The following SLC2A9 variants were observed in gnomAD, a reference collection of about 807,000 sequenced individuals.
SLC2A9 encodes the protein solute carrier family 2 member 9, also known as solute carrier family 2, facilitated glucose transporter member 9.
In SLC2A9, 39 loss-of-function variants were observed where a neutral mutation model predicts 50.6. The ratio of observed to expected loss-of-function variants is 0.77; its 90% CI spans 0.60 to 1.01. The LOEUF (loss-of-function observed/expected upper bound fraction) is 1.01. SLC2A9 is among the 50% of genes least tolerant of loss of function. The probability of loss-of-function intolerance (pLI) is 0.00; values close to 1 mark genes in which losing one functional copy is unlikely to be tolerated. For missense variants in SLC2A9, 686 were observed against 677.6 expected, an observed-to-expected ratio of 1.01 and a Z score of -0.14; for synonymous variants, 324 against 276.9, an observed-to-expected ratio of 1.17 and a Z score of -1.69.
intron 5 of SLC2A9, among the ~76,000 whole-genome samples, chr4:9,958,554 T>C (rs1751705043): frequency 6.6e-6 from 1 of 152,050 alleles, no homozygotes; most frequent in Non-Finnish European, 1.5e-5. Context: ...CACGGGTTGA[T>C]AGGTGCAACA....
chr4:9,786,841 C>A (rs1181694064), intron 3 of SLC2A9, among the ~76,000 whole-genome samples: 3 of 152,182 alleles, frequency 2.0e-5, no homozygotes, highest in Non-Finnish European at 4.4e-5. Context: ...TTTTGGTTGT[C>A]ACAACTGGGT....
intron 3 of SLC2A9, chr4:9,782,207 C>A (rs1718516098): frequency 6.2e-7 from 1 of 1,611,184 alleles, no homozygotes; most frequent in South Asian, 1.1e-5. Flanking sequence ...GGGCAACGTG[C>A]TGGTGTGCGC....
chr4:9,880,764 T>C (rs949860525), intron 10 of SLC2A9, among the ~76,000 whole-genome samples: 5 of 152,196 alleles, frequency 3.3e-5, no homozygotes, highest in African/African-American at 9.6e-5. Flanking sequence ...CCATGAAACA[T>C]ACAGCTTTCT....
intron 2 of SLC2A9, among the ~76,000 whole-genome samples, chr4:10,017,980 G>A (rs892058015): frequency 1.3e-5 from 2 of 152,134 alleles, no homozygotes; most frequent in African/African-American, 4.8e-5. Flanking sequence ...ACTTAGTCAG[G>A]CATCACTTCC....
At chr4:9,991,193 C>T (rs1003472720) in intron 3 of SLC2A9, among the ~76,000 whole-genome samples, 23 of 152,202 alleles carry the variant, frequency 1.5e-4, no homozygotes, top group Admixed American at 5.2e-4. Flanking sequence ...TCCCCTGCTG[C>T]TTTCTGCTTT....
intron 10 of SLC2A9, 106 bp downstream of exon 10, chr4:9,887,461 T>C (rs1458592302): frequency 2.7e-6 from 3 of 1,113,620 alleles, no homozygotes; most frequent in Non-Finnish European, 3.8e-6. Context: ...CAGTCAGGCT[T>C]TGCTTCTTCT....
chr4:9,907,137 G>T (rs1454040329), intron 8 of SLC2A9, among the ~76,000 whole-genome samples: 1 of 152,220 alleles, frequency 6.6e-6, no homozygotes, highest in South Asian at 2.1e-4. Flanking sequence ...CTCCATCAAG[G>T]TCAGAGAATA....
intron 5 of SLC2A9, among the ~76,000 whole-genome samples, chr4:9,965,203 AGT>A (rs771505939): frequency 6.6e-6 from 1 of 152,150 alleles, no homozygotes; most frequent in African/African-American, 2.4e-5. Flanking sequence ...TCCCACAGCA[AGT>A]GTGTGTGTGA....
chr4:10,025,814 C>T (rs1763730341), upstream of SLC2A9: 2 of 1,264,276 alleles, frequency 1.6e-6, no homozygotes, highest in Non-Finnish European at 1.1e-6. Flanking sequence ...TTCACCTTAA[C>T]AGCCTCCCAC....
chr4:10,022,920 G>A (rs1379828696), upstream of SLC2A9, among the ~76,000 whole-genome samples: 4 of 152,182 alleles, frequency 2.6e-5, no homozygotes, highest in East Asian at 1.9e-4. Flanking sequence ...CAGTGCAATC[G>A]TCCTTCTGTG....
In SLC2A9 at chr4:9,980,012, C is replaced by A. The variant is rs970876611; in HGVS notation, c.681+580G>T. Among the ~76,000 whole-genome samples, 9 of 152,292 alleles carry A rather than the reference C, an allele frequency of 5.9e-5. No homozygotes were observed. The South Asian group carries it at 1.9e-3, about 32-fold the overall frequency. On this transcript the variant is annotated intron_variant, in intron 5 of 11. Coordinates refer to ENST00000264784, the MANE Select transcript of SLC2A9 (RefSeq NM_020041.3). ...AAAAGCCTTCCTTGAGTTTACCCCA[C>A]CCCATTCGACCTGAGTGAAATGTTT...
chr4:9,920,356 A>G (rs776656602), intron 7 of SLC2A9, 29 bp downstream of exon 7: 2 of 1,612,994 alleles, frequency 1.2e-6, no homozygotes, highest in East Asian at 2.2e-5. Flanking sequence ...CCAGTCATGC[A>G]AGGATGCCCA....
intron 7 of SLC2A9, among the ~76,000 whole-genome samples, chr4:9,915,585 C>A (rs1257530624): frequency 2.0e-5 from 3 of 152,186 alleles, no homozygotes; most frequent in Non-Finnish European, 2.9e-5. Flanking sequence ...CACTCTACAG[C>A]TGGGGAAACT....
At chr4:9,824,320 A>T (rs1238771800), downstream of SLC2A9, among the ~76,000 whole-genome samples, 1 of 152,190 alleles carries the variant, frequency 6.6e-6, no homozygotes, top group Non-Finnish European at 1.5e-5. Flanking sequence ...AAAAAAAAAA[A>T]AAAGTTTGTT....
At chr4:9,976,803 C>G (rs1484330157) in intron 5 of SLC2A9, among the ~76,000 whole-genome samples, 1 of 152,226 alleles carries the variant, frequency 6.6e-6, no homozygotes, top group African/African-American at 2.4e-5. Flanking sequence ...GTACCCAGGT[C>G]CTCGAATCAG....
chr4:9,997,266 C>T (rs2109296565), intron 2 of SLC2A9, among the ~76,000 whole-genome samples: 1 of 152,148 alleles, frequency 6.6e-6, no homozygotes, highest in East Asian at 1.9e-4. Context: ...GAAACTGAGG[C>T]TCAGGGAGAC....
upstream of SLC2A9, chr4:10,026,018 A>G (rs1763739889): frequency 6.3e-7 from 1 of 1,591,310 alleles, no homozygotes; most frequent in Non-Finnish European, 8.6e-7. Context: ...TGAGAAAGAG[A>G]AAAAGAAAGA....
chr4:9,910,307 C>T (rs1741481030), intron 7 of SLC2A9, among the ~76,000 whole-genome samples: 1 of 152,190 alleles, frequency 6.6e-6, no homozygotes, highest in Admixed American at 6.5e-5. Flanking sequence ...CTAATAAATC[C>T]ACTAATTCCT....
intron 6 of SLC2A9, among the ~76,000 whole-genome samples, chr4:9,933,141 T>C (rs1410652454): frequency 3.9e-5 from 6 of 152,190 alleles, no homozygotes; most frequent in Non-Finnish European, 7.3e-5. Flanking sequence ...CCACAGAATC[T>C]GGGATATGCA....
Sources: allele counts gnomAD v4.1 joint callset (sites outside exome capture counted in the v4.1 genomes callset), GRCh38; gene constraint gnomAD v4.1.1; transcripts MANE v1.5; gene names NCBI Gene and HGNC (gene_info 2026-07-23, HGNC 2026-07-21).